TANC2: variants seen among roughly 807,000 people sequenced by gnomAD.
TANC2 encodes tetratricopeptide repeat, ankyrin repeat and coiled-coil containing 2.
In TANC2, 26 loss-of-function variants were observed where a neutral mutation model predicts 210.5. That is an observed-to-expected ratio of 0.12 (90% CI 0.09 to 0.17). TANC2 has a LOEUF of 0.17. Ranked by LOEUF, TANC2 falls within the 10% of genes least tolerant of loss-of-function variation. The pLI is 1.00. For synonymous variants in TANC2, 931 were observed against 967.1 expected (o/e 0.96, Z 0.69); for missense variants, 2,129 against 2,608.9 (o/e 0.82, Z 4.01).
chr17:63,360,417 G>T (rs1304484641), intron 14 of TANC2, among the ~76,000 whole-genome samples: 1 of 152,132 alleles, frequency 6.6e-6, no homozygotes, highest in African/African-American at 2.4e-5. Context: ...TAGGAGGCTT[G>T]GAAGAGTTAA....
At chr17:63,125,583 T>C (rs938164467) in intron 4 of TANC2, among the ~76,000 whole-genome samples, 3 of 152,206 alleles carry the variant, frequency 2.0e-5, no homozygotes, top group African/African-American at 4.8e-5. Flanking sequence ...TGTCCTCTCC[T>C]GATAACAGTA....
intron 9 of TANC2, among the ~76,000 whole-genome samples, chr17:63,275,406 T>G (rs1318014886): frequency 6.6e-6 from 1 of 152,196 alleles, no homozygotes; most frequent in Non-Finnish European, 1.5e-5. Flanking sequence ...ACAGTTAACT[T>G]GGTTTTATCA....
chr17:63,247,260 A>G (rs1372725762), intron 8 of TANC2, among the ~76,000 whole-genome samples: 1 of 152,094 alleles, frequency 6.6e-6, no homozygotes, highest in Non-Finnish European at 1.5e-5. Flanking sequence ...AAATATAAAA[A>G]TGTCAAATTT....
intron 2 of TANC2, among the ~76,000 whole-genome samples, chr17:63,046,325 CTT>C (rs57550590): frequency 9.1e-5 from 4 of 44,142 alleles, no homozygotes; most frequent in African/African-American, 4.7e-4. Context: ...ACACCCAGCT[CTT>C]TTTTTTTTTT....
intron 7 of TANC2, among the ~76,000 whole-genome samples, chr17:63,233,237 T>C (rs2042529259): frequency 6.9e-6 from 1 of 145,916 alleles, no homozygotes; most frequent in Non-Finnish European, 1.5e-5. Flanking sequence ...TCGGTAGTCT[T>C]AGGCAGTTTC....
chr17:62,976,341 C>G (rs2143330577), intron 1 of TANC2, among the ~76,000 whole-genome samples: 1 of 152,152 alleles, frequency 6.6e-6, no homozygotes, highest in East Asian at 1.9e-4. Flanking sequence ...AACTTTGCTC[C>G]TTACACCCCT....
intron 2 of TANC2, among the ~76,000 whole-genome samples, chr17:63,071,237 C>G (rs2036385790): frequency 6.6e-6 from 1 of 152,002 alleles, no homozygotes. Context: ...CTTTAGTTAC[C>G]TAAGCATGGG....
chr17:63,161,252 C>T (rs1032460949), intron 5 of TANC2, among the ~76,000 whole-genome samples: 10 of 152,184 alleles, frequency 6.6e-5, no homozygotes, highest in Non-Finnish European at 1.3e-4. Context: ...GTCCCAGCTA[C>T]TTGGGGGGTT....
intron 18 of TANC2, among the ~76,000 whole-genome samples, chr17:63,398,497 C>T (rs926347123): frequency 3.3e-5 from 5 of 151,262 alleles, no homozygotes; most frequent in Admixed American, 1.3e-4. Flanking sequence ...TCAGTTTTCT[C>T]GTATTTATTT....
intron 4 of TANC2, among the ~76,000 whole-genome samples, chr17:63,133,733 C>T (rs1393287640): frequency 6.6e-6 from 1 of 152,108 alleles, no homozygotes; most frequent in African/African-American, 2.4e-5. Flanking sequence ...AAATGGAAAA[C>T]AGCAACATGA....
At chr17:63,029,393 A>G (rs192508463) in intron 2 of TANC2, among the ~76,000 whole-genome samples, 3 of 152,260 alleles carry the variant, frequency 2.0e-5, no homozygotes, top group South Asian at 2.1e-4. Context: ...TCCTTGGTCT[A>G]TAGCATAATG....
chr17:63,178,189 C>T (rs2040656577), intron 5 of TANC2, among the ~76,000 whole-genome samples: 2 of 152,090 alleles, frequency 1.3e-5, no homozygotes, highest in Non-Finnish European at 2.9e-5. Context: ...AAACATTAGC[C>T]GGGCGTGGTG....
chr17:63,319,413 C>T (rs2045423873), intron 11 of TANC2, among the ~76,000 whole-genome samples: 1 of 152,196 alleles, frequency 6.6e-6, no homozygotes, highest in Non-Finnish European at 1.5e-5. Context: ...GGTGCAATCT[C>T]AGCTCACTGC....
intron 9 of TANC2, among the ~76,000 whole-genome samples, chr17:63,286,276 C>G (rs986579235): frequency 6.6e-6 from 1 of 152,162 alleles, no homozygotes; most frequent in Non-Finnish European, 1.5e-5. Flanking sequence ...ACATTTCTTG[C>G]ATTGTGGATC....
At chr17:63,231,965 CT>C (rs1188135767) in intron 7 of TANC2, among the ~76,000 whole-genome samples, 1 of 152,108 alleles carries the variant, frequency 6.6e-6, no homozygotes, top group African/African-American at 2.4e-5. Context: ...TTTTCATCTT[CT>C]TTTCTCTAAT....
At chr17:63,280,372 GT>G (rs936351181) in intron 9 of TANC2, among the ~76,000 whole-genome samples, 11 of 151,450 alleles carry the variant, frequency 7.3e-5, no homozygotes, top group South Asian at 2.1e-4. Flanking sequence ...GTAAAACCTA[GT>G]TTTTTTTTAA....
At chr17:63,066,555 A>G (rs2036204970) in intron 2 of TANC2, among the ~76,000 whole-genome samples, 1 of 152,108 alleles carries the variant, frequency 6.6e-6, no homozygotes, top group African/African-American at 2.4e-5. Context: ...AAAGGAACTC[A>G]ACACTCAGAA....
rs773035600 is a variant in TANC2 at position 63,418,366 on chromosome 17, T to C, written c.4227T>C (p.Tyr1409=). 2.5e-5 allele frequency: 41 copies of C among 1,613,162 alleles called. No individual in the cohort carries two copies. Among genetic ancestry groups the C allele is most frequent in the Non-Finnish European group, 3.1e-5 (37 of 1,179,670 alleles). ...CCCTGGAGCTGAAACCGAAATCTTA[T>C]GAAGCTTACTATGCGAGAGCAAGGG... Residue 1409 remains tyrosine (Y), a synonymous_variant, in exon 27 of 28, where the codon TAT becomes TAC. Coordinates refer to ENST00000689528, the Ensembl canonical transcript of TANC2. The surrounding 1 kb of genome is among the most constrained non-coding windows in gnomAD (Gnocchi z 4.6).
intron 8 of TANC2, among the ~76,000 whole-genome samples, chr17:63,265,889 A>G (rs186218223): frequency 6.9e-4 from 105 of 152,282 alleles, no homozygotes; most frequent in African/African-American, 2.5e-3. Flanking sequence ...ACAGGTGTTT[A>G]ATAAATACAT....
Sources: allele counts gnomAD v4.1 joint callset (sites outside exome capture counted in the v4.1 genomes callset), GRCh38; gene constraint gnomAD v4.1.1; non-coding constraint Gnocchi (gnomAD v3.1); transcripts MANE v1.5; gene names NCBI Gene and HGNC (gene_info 2026-07-23, HGNC 2026-07-21).